Variants in WDR33 observed in about 807,000 individuals in gnomAD.
The protein encoded by WDR33 is pre-mRNA 3' end processing protein WDR33.
WDR33 carries 47 observed loss-of-function variants against 164.9 expected under a neutral mutation model. The ratio of observed to expected loss-of-function variants is 0.29; its 90% confidence interval spans 0.23 to 0.36. WDR33 has a LOEUF of 0.36. WDR33 is among the 10% of genes least tolerant of loss of function. The pLI, the probability that WDR33 is intolerant of heterozygous loss-of-function variation, is 1.00. For missense variants in WDR33, 1,137 were observed against 1,754.1 expected (o/e 0.65, Z 6.28); for synonymous variants, 505 against 589.0 (o/e 0.86, Z 2.06).
At chr2:127,728,498 T>G (rs1686623055) in intron 7 of WDR33, among the ~76,000 whole-genome samples, 1 of 152,230 alleles carries the variant, frequency 6.6e-6, no homozygotes, top group Non-Finnish European at 1.5e-5. Context: ...TATATTTTTA[T>G]ATTTTCTACA....
In WDR33 at chr2:127,701,032, T is replaced by A. The variant is rs972742600; in HGVS notation, c.*5291A>T. The A allele has an allele frequency of 2.6e-5, 4 of 152,328 alleles. No homozygotes were observed. Among genetic ancestry groups the A allele is most frequent in the African/African-American group, 9.6e-5 (4 of 41,468 alleles). 9.4% of individuals were successfully genotyped at this position (152,328 alleles called of 1,614,324 possible). On this transcript the variant is annotated 3_prime_UTR_variant, in exon 22 of 22. Transcript: ENST00000322313. ...TGAGTTACACAGGTCTGAACTTTTTTAAAAATTAAATTTTTATTTTGAGAT... is the reference window on the plus strand; with the variant it reads ...TGAGTTACACAGGTCTGAACTTTTTAAAAAATTAAATTTTTATTTTGAGAT...
In WDR33 at chr2:127,701,751, C is replaced by G. The variant is rs1237507818; in HGVS notation, c.*4572G>C. 2.9e-5 allele frequency: 41 copies of G among 1,417,568 alleles called. No individual in the cohort carries two copies. Among genetic ancestry groups the G allele is most frequent in the Non-Finnish European group, 3.7e-5 (40 of 1,085,432 alleles). The allele number at this position is 1,417,568 out of a possible 1,614,324, so 87.8% of individuals were successfully genotyped here. On this transcript the variant is annotated 3_prime_UTR_variant, in exon 22 of 22. Transcript: ENST00000322313. ...GTGCCTCCCGAGCGTGACGCGCGGG[C>G]AGCGGCTGGCGGCGGGCGGCGGGTG... is the stretch of plus-strand genomic sequence containing the variant.
intron 1 of WDR33, among the ~76,000 whole-genome samples, chr2:127,774,811 CAG>C (rs1301878652): frequency 6.7e-6 from 1 of 149,942 alleles, no homozygotes; most frequent in Non-Finnish European, 1.5e-5. Flanking sequence ...GCCTGGGCGA[CAG>C]AGTGAGACTC....
chr2:127,765,348 C>T, intron 4 of WDR33, 79 bp from the exon 5 acceptor site: 1 of 972,102 alleles, frequency 1.0e-6, no homozygotes, highest in Non-Finnish European at 1.6e-6. Context: ...ATTTGTAAAA[C>T]ATGCAATAAC....
intron 7 of WDR33, chr2:127,737,128 AT>A (rs1262773522): frequency 9.5e-5 from 94 of 985,176 alleles, no homozygotes; most frequent in Non-Finnish European, 1.0e-4. Flanking sequence ...AAAAATTTAC[AT>A]TTTTTTAAAG....
chr2:127,759,871 A>G (rs1350737960), intron 7 of WDR33, among the ~76,000 whole-genome samples: 1 of 151,974 alleles, frequency 6.6e-6, no homozygotes, highest in Non-Finnish European at 1.5e-5. Flanking sequence ...GGAGAGCCTG[A>G]CTCTATTTTT....
chr2:127,759,271 T>G (rs13404084), intron 7 of WDR33, among the ~76,000 whole-genome samples: 3 of 152,242 alleles, frequency 2.0e-5, no homozygotes, highest in Non-Finnish European at 4.4e-5. Flanking sequence ...CAAGGACTTT[T>G]GTATAACAAA....
At chr2:127,746,047 A>C (rs1687159601) in intron 7 of WDR33, among the ~76,000 whole-genome samples, 1 of 151,486 alleles carries the variant, frequency 6.6e-6, no homozygotes. Context: ...TAATTAAAAA[A>C]AAAAAAAAAA....
chr2:127,721,997 A>G lies in WDR33; in HGVS notation c.1519-9T>C. ...TTATTTTGCATCCAAGCCTTGGGAA[A>G]GAAGAGAATATTAAAATGTACGCTA... On this transcript the variant is annotated splice_polypyrimidine_tract_variant and intron_variant, in intron 14 of 21. Transcript: ENST00000322313. The surrounding 1 kb of genome is among the most constrained non-coding windows in gnomAD (Gnocchi z 4.9). 1 of 1,609,084 alleles carries G rather than the reference A, an allele frequency of 6.2e-7. No homozygotes were observed. Among genetic ancestry groups the G allele is most frequent in the Non-Finnish European group, 8.5e-7 (1 of 1,179,106 alleles).
In WDR33 at chr2:127,719,656, G is replaced by A. The variant is rs765985909; in HGVS notation, c.2369C>T (p.Pro790Leu). The change falls in exon 16 of 22, where the codon CCC (proline) becomes CTC (leucine). Residue 790 changes from proline (P) to leucine (L), a missense_variant. Coordinates refer to ENST00000322313, the MANE Select transcript of WDR33 (RefSeq NM_018383.5). This position sits in a 1 kb window ranked among gnomAD's most constrained non-coding sequence, Gnocchi z 6.5. ...GGGAGCAGGACCCTGGTTCTCCCGGGGGCCTGGAGGCCCCTGCATTCCTCT... is the reference window on the plus strand; with the variant it reads ...GGGAGCAGGACCCTGGTTCTCCCGGAGGCCTGGAGGCCCCTGCATTCCTCT... ...NPRGMQGPPG[P>L]RENQGPAPQG... The A allele has an allele frequency of 3.1e-6, 5 of 1,613,054 alleles. No homozygotes were observed. In the African/African-American group the frequency reaches 4.0e-5, roughly 13 times the overall value.
At chr2:127,808,983 ATCGCGCCACTGCACTCCAGCCTGG>A (rs1355182629) in intron 1 of WDR33, among the ~76,000 whole-genome samples, 1 of 149,236 alleles carries the variant, frequency 6.7e-6, no homozygotes, top group East Asian at 2.0e-4. Context: ...CGAGCCAAAG[ATCGCGCCACTGCACTCCAGCCTGG>A]GCGACAGAGC....
chr2:127,758,561 T>C (rs1687584108), intron 7 of WDR33, among the ~76,000 whole-genome samples: 1 of 152,202 alleles, frequency 6.6e-6, no homozygotes, highest in African/African-American at 2.4e-5. Flanking sequence ...GTTATTATTG[T>C]TAAAATCAAG....
chr2:127,702,147 G>C lies in WDR33; in HGVS notation c.*4176C>G. The C allele has an allele frequency of 8.2e-7, 1 of 1,214,482 alleles. No homozygotes were observed. Among genetic ancestry groups the C allele is most frequent in the Non-Finnish European group, 1.0e-6 (1 of 977,392 alleles). The allele number at this position is 1,214,482 out of a possible 1,614,324, so 75.2% of individuals were successfully genotyped here. On this transcript the variant is annotated 3_prime_UTR_variant, in exon 22 of 22. Coordinates refer to ENST00000322313, the MANE Select transcript of WDR33 (RefSeq NM_018383.5). The stretch of plus-strand genomic sequence containing the variant: ...CGCACTGGGTCGCCTGGGCCGCGGC[G>C]CCGGCCTCGCCAAGGTGCTGCCCGT...
In WDR33 at chr2:127,735,285, C is replaced by T; in HGVS notation, c.725-8508G>A. 1 of 736,136 alleles carries T rather than the reference C, an allele frequency of 1.4e-6. No homozygotes were observed. The highest frequency in any genetic ancestry group is 1.7e-6 in the Non-Finnish European group (1 of 602,568). The allele number at this position is 736,136 out of a possible 1,614,324, so 45.6% of individuals were successfully genotyped here. The stretch of plus-strand genomic sequence containing the variant: ...CCTCCTCCACCTGATCACCCCTCCT[C>T]CACCTCATCAGATCCTAAGGAACCT... On this transcript the variant is annotated intron_variant, in intron 7 of 21. Coordinates refer to ENST00000322313, the MANE Select transcript of WDR33 (RefSeq NM_018383.5). The surrounding 1 kb of genome is among the most constrained non-coding windows in gnomAD (Gnocchi z 4.3).
At chr2:127,728,764 T>C (rs1028043293) in intron 7 of WDR33, among the ~76,000 whole-genome samples, 2 of 152,134 alleles carry the variant, frequency 1.3e-5, no homozygotes, top group Non-Finnish European at 2.9e-5. Context: ...TCAATCAAAT[T>C]TGGGATTATG....
chr2:127,777,478 C>G (rs965290239), intron 1 of WDR33, among the ~76,000 whole-genome samples: 1 of 152,220 alleles, frequency 6.6e-6, no homozygotes, highest in Non-Finnish European at 1.5e-5. Flanking sequence ...CCATTATTTT[C>G]TCAACCTGTA....
intron 1 of WDR33, among the ~76,000 whole-genome samples, chr2:127,805,077 T>C (rs1213424879): frequency 7.7e-6 from 1 of 130,596 alleles, no homozygotes; most frequent in Non-Finnish European, 1.6e-5. Context: ...TCTTTTTTTT[T>C]TTTTTTTTTT....
Position 127,708,827 on chromosome 2 carries a change from G to C in WDR33, c.3631C>G (p.Pro1211Ala). 1 of 1,612,334 alleles carries C rather than the reference G, an allele frequency of 6.2e-7. No homozygotes were observed. Among genetic ancestry groups the C allele is most frequent in the Non-Finnish European group, 8.5e-7 (1 of 1,178,848 alleles). ...PDHPPHDGHS[P>A]ASRERSSSLQ... Reference sequence around the variant, plus strand: ...GAAGAGGAGCGTTCTCTGCTGGCTGGGGAATGACCGTCGTGAGGGGGATGA... The same window carrying C: ...GAAGAGGAGCGTTCTCTGCTGGCTGCGGAATGACCGTCGTGAGGGGGATGA... Residue 1211 changes from proline (P) to alanine (A), a missense_variant, in exon 21 of 22, where the codon CCA (proline) becomes GCA (alanine). By Grantham distance (27) the Pro-to-Ala change is conservative (BLOSUM62 -1). This residue lies in a region of WDR33 where 867 missense variants were observed against 1,073.0 expected (regional missense o/e 0.81). Transcript: ENST00000322313. This position sits in a 1 kb window ranked among gnomAD's most constrained non-coding sequence, Gnocchi z 6.7.
At chr2:127,725,735 AAATAATAATAATAATAATAAT>A (rs56352036) in intron 8 of WDR33, among the ~76,000 whole-genome samples, 3 of 141,098 alleles carry the variant, frequency 2.1e-5, no homozygotes, top group Non-Finnish European at 3.1e-5. Context: ...CTCTGTCTCA[AAATAATAATAATAATAATAAT>A]AATAATAATA....
Sources: gnomAD v4.1 joint callset for allele counts (sites outside exome capture counted in the v4.1 genomes callset) on GRCh38, gnomAD v4.1.1 for gene constraint, gnomAD v4.1.1 regional missense constraint, Gnocchi (gnomAD v3.1) non-coding constraint, MANE v1.5 for transcripts, NCBI Gene and HGNC (gene_info 2026-07-23, HGNC 2026-07-21) for gene names.